Variants in DPP10 observed in about 807,000 individuals in gnomAD.
DPP10 encodes dipeptidyl peptidase like 10.
Under a neutral mutation model 120.9 loss-of-function variants are expected in DPP10, and 33 were observed. The observed-to-expected ratio is 0.27, with a 90% CI of 0.21 to 0.37. The LOEUF (loss-of-function observed/expected upper bound fraction) is 0.37, where lower values mean the gene tolerates loss of function less well. Among genes scored for constraint, DPP10 ranks in the 10% least tolerant of loss-of-function variants. The pLI is 1.00. For missense variants in DPP10, 816 were observed against 942.8 expected (o/e 0.87, Z 1.76); for synonymous variants, 337 against 326.1 (o/e 1.03, Z -0.36).
At chr2:115,690,853 A>G (rs1168102569) in intron 7 of DPP10, among the ~76,000 whole-genome samples, 1 of 152,194 alleles carries the variant, frequency 6.6e-6, no homozygotes, top group Non-Finnish European at 1.5e-5. Context: ...TTTCTAGGTT[A>G]TTTGTTAAGC....
intron 5 of DPP10, among the ~76,000 whole-genome samples, chr2:115,636,665 T>C (rs1575406917): frequency 6.6e-6 from 1 of 152,078 alleles, no homozygotes; most frequent in East Asian, 1.9e-4. Flanking sequence ...TGGAAAGATG[T>C]TGAGAATTAG....
intron 1 of DPP10, among the ~76,000 whole-genome samples, chr2:114,599,374 C>T (rs1028539363): frequency 3.3e-5 from 5 of 151,736 alleles, no homozygotes; most frequent in African/African-American, 1.2e-4. Flanking sequence ...CTTCATTTTC[C>T]TTTGCAGGTC....
intron 5 of DPP10, among the ~76,000 whole-genome samples, chr2:115,622,256 A>G (rs987187268): frequency 3.3e-5 from 5 of 152,052 alleles, no homozygotes; most frequent in African/African-American, 9.7e-5. Context: ...TCTTTGGAAC[A>G]TTTCACAAAA....
intron 1 of DPP10, among the ~76,000 whole-genome samples, chr2:114,632,247 A>T (rs908583536): frequency 6.6e-6 from 1 of 152,072 alleles, no homozygotes; most frequent in Non-Finnish European, 1.5e-5. Context: ...TTTCCTTTGT[A>T]GTTCATAAGA....
chr2:114,953,851 T>A (rs1697983197), intron 1 of DPP10, among the ~76,000 whole-genome samples: 1 of 152,162 alleles, frequency 6.6e-6, no homozygotes, highest in Admixed American at 6.5e-5. Flanking sequence ...ATTTTGAGTT[T>A]ATAATAAATA....
At chr2:115,790,331 G>A (rs189833974) in intron 17 of DPP10, among the ~76,000 whole-genome samples, 6 of 150,912 alleles carry the variant, frequency 4.0e-5, no homozygotes, top group South Asian at 2.1e-4. Context: ...CACCCGCCTC[G>A]GCCTCCCAAA....
At chr2:115,180,172 A>G (rs757917254) in intron 1 of DPP10, among the ~76,000 whole-genome samples, 8 of 152,148 alleles carry the variant, frequency 5.3e-5, no homozygotes, top group Admixed American at 6.5e-5. Context: ...TTAATCTTTG[A>G]TGTCCTGCTG....
chr2:115,229,131 A>C (rs1441401017), intron 1 of DPP10, among the ~76,000 whole-genome samples: 3 of 152,178 alleles, frequency 2.0e-5, no homozygotes, highest in Non-Finnish European at 4.4e-5. Flanking sequence ...ATGATCAGTG[A>C]TGTTGAGCAT....
chr2:114,771,963 AATT>A (rs956829524), intron 1 of DPP10, among the ~76,000 whole-genome samples: 4 of 152,042 alleles, frequency 2.6e-5, no homozygotes, highest in African/African-American at 9.7e-5. Flanking sequence ...TATCAAGTAA[AATT>A]AATTATTGAA....
chr2:114,742,312 A>T (rs1471055434), intron 1 of DPP10, among the ~76,000 whole-genome samples: 1 of 152,248 alleles, frequency 6.6e-6, no homozygotes, highest in Non-Finnish European at 1.5e-5. Flanking sequence ...TAGTGAAAAA[A>T]AATTAAAAAG....
intron 11 of DPP10, among the ~76,000 whole-genome samples, chr2:115,759,258 G>C (rs908652401): frequency 6.6e-6 from 1 of 151,898 alleles, no homozygotes; most frequent in African/African-American, 2.4e-5. Flanking sequence ...ATGAACATAT[G>C]AAAAAGTACT....
At chr2:115,636,720 T>C (rs2086365183) in intron 5 of DPP10, among the ~76,000 whole-genome samples, 1 of 152,152 alleles carries the variant, frequency 6.6e-6, no homozygotes, top group Non-Finnish European at 1.5e-5. Flanking sequence ...TACTGTTCTT[T>C]CAACTTTTCT....
intron 1 of DPP10, among the ~76,000 whole-genome samples, chr2:115,004,707 C>T (rs371231832): frequency 7.2e-5 from 11 of 152,242 alleles, no homozygotes; most frequent in African/African-American, 2.2e-4. Flanking sequence ...GCACCTGGCT[C>T]GGAGGGTCCT....
intron 3 of DPP10, among the ~76,000 whole-genome samples, chr2:115,350,057 G>A (rs1424389560): frequency 6.6e-6 from 1 of 151,878 alleles, no homozygotes; most frequent in Non-Finnish European, 1.5e-5. Flanking sequence ...TATTTTTCTT[G>A]CAACATAATT....
chr2:115,215,291 A>T (rs572526706), intron 1 of DPP10, among the ~76,000 whole-genome samples: 22 of 152,340 alleles, frequency 1.4e-4, no homozygotes, highest in African/African-American at 5.3e-4. Context: ...GCAGGAACTT[A>T]TAACTTATTT....
chr2:115,167,111 A>G (rs1449057970), intron 1 of DPP10, among the ~76,000 whole-genome samples: 2 of 152,132 alleles, frequency 1.3e-5, no homozygotes, highest in African/African-American at 4.8e-5. Flanking sequence ...TCCCCATTTC[A>G]CCTGTGAATG....
intron 3 of DPP10, among the ~76,000 whole-genome samples, chr2:115,398,186 T>C (rs893869113): frequency 2.1e-5 from 3 of 143,836 alleles, no homozygotes; most frequent in Non-Finnish European, 4.6e-5. Flanking sequence ...TTTTTTTTTT[T>C]CCTTCTTTTG....
intron 1 of DPP10, among the ~76,000 whole-genome samples, chr2:114,585,866 A>T (rs903078617): frequency 2.6e-5 from 4 of 152,252 alleles, no homozygotes; most frequent in African/African-American, 9.6e-5. Context: ...AAGAAGGGAT[A>T]GAGAGTTTCC....
intron 7 of DPP10, among the ~76,000 whole-genome samples, chr2:115,693,861 C>G (rs1005081920): frequency 2.0e-5 from 3 of 152,000 alleles, no homozygotes; most frequent in African/African-American, 2.4e-5. Context: ...ATCAATAGTG[C>G]TATTCTGGTG....
Sources: gnomAD v4.1 joint callset for allele counts (sites outside exome capture counted in the v4.1 genomes callset) on GRCh38, gnomAD v4.1.1 for gene constraint, MANE v1.5 for transcripts, NCBI Gene and HGNC (gene_info 2026-07-23, HGNC 2026-07-21) for gene names.